The following LAPTM4B variants were observed in gnomAD, a reference collection of about 807,000 sequenced individuals.
LAPTM4B encodes the protein lysosomal protein transmembrane 4 beta.
A neutral mutation model predicts 28.5 loss-of-function variants in LAPTM4B; 26 were observed. The ratio of observed to expected loss-of-function variants is 0.91; its 90% CI spans 0.67 to 1.27. The LOEUF is 1.27. LAPTM4B is among the 50% of genes most tolerant of loss of function. The pLI is 0.00. For missense variants in LAPTM4B, 288 were observed against 285.8 expected, an observed-to-expected ratio of 1.01 and a Z score of -0.06; for synonymous variants, 109 against 106.4, an observed-to-expected ratio of 1.02 and a Z score of -0.15.
At chr8:97,815,299 T>A (rs762120548) in intron 2 of LAPTM4B, 29 bp from the exon 3 acceptor site, 16 of 1,577,104 alleles carry the variant, frequency 1.0e-5, no homozygotes, top group Middle Eastern at 1.7e-4. Flanking sequence ...TTGTCTTTTT[T>A]AAAGAAATTC....
intron 6 of LAPTM4B, among the ~76,000 whole-genome samples, chr8:97,831,240 C>T (rs2129824733): frequency 6.6e-6 from 1 of 152,214 alleles, no homozygotes; most frequent in South Asian, 2.1e-4. Flanking sequence ...GGTAGGAAGA[C>T]CAAATTGAGG....
intron 5 of LAPTM4B, among the ~76,000 whole-genome samples, chr8:97,824,374 A>T (rs1050476695): frequency 2.6e-5 from 4 of 152,172 alleles, no homozygotes; most frequent in Non-Finnish European, 1.5e-5. Flanking sequence ...AAAGAATTTT[A>T]ATGTTAAGGG....
intron 1 of LAPTM4B, among the ~76,000 whole-genome samples, chr8:97,791,366 C>T (rs575230703): frequency 2.3e-4 from 35 of 152,210 alleles, no homozygotes; most frequent in Non-Finnish European, 3.8e-4. Flanking sequence ...CCATGTCTCC[C>T]AGTAGGTCTT....
At chr8:97,823,207 C>T (rs1335469435) in intron 5 of LAPTM4B, among the ~76,000 whole-genome samples, 1 of 152,082 alleles carries the variant, frequency 6.6e-6, no homozygotes, top group Non-Finnish European at 1.5e-5. Context: ...GAAAGAAGTA[C>T]CTGGGCTTTT....
At chr8:97,831,645 G>A (rs115903401) in intron 6 of LAPTM4B, among the ~76,000 whole-genome samples, 94 of 152,234 alleles carry the variant, frequency 6.2e-4, no homozygotes, top group African/African-American at 1.8e-3. Flanking sequence ...AATTTTCCAT[G>A]GTCTAAGAAC....
At chr8:97,796,124 A>T (rs1242048101) in intron 1 of LAPTM4B, among the ~76,000 whole-genome samples, 1 of 152,336 alleles carries the variant, frequency 6.6e-6, no homozygotes, top group African/African-American at 2.4e-5. Context: ...GTGTTTTGGT[A>T]GAGATGGGGA....
intron 2 of LAPTM4B, among the ~76,000 whole-genome samples, chr8:97,810,252 A>G (rs1816807298): frequency 6.6e-6 from 1 of 152,182 alleles, no homozygotes; most frequent in South Asian, 2.1e-4. Context: ...AAAATTGACT[A>G]TACTGGGAAA....
At chr8:97,805,603 GCGTCTAAC>G in intron 2 of LAPTM4B, 139 bp downstream of exon 2, 1 of 634,888 alleles carries the variant, frequency 1.6e-6, no homozygotes, top group South Asian at 1.9e-5. Context: ...ATATTTGTGT[GCGTCTAAC>G]ATTCTGTCTT....
At chr8:97,812,932 C>G (rs753614784) in intron 2 of LAPTM4B, among the ~76,000 whole-genome samples, 3 of 152,218 alleles carry the variant, frequency 2.0e-5, no homozygotes, top group Admixed American at 6.5e-5. Flanking sequence ...CCCTACTTAC[C>G]TTGATGTTCC....
At chr8:97,832,071 T>C (rs1053190051) in intron 6 of LAPTM4B, among the ~76,000 whole-genome samples, 2 of 152,164 alleles carry the variant, frequency 1.3e-5, no homozygotes, top group Non-Finnish European at 2.9e-5. Context: ...TTTTTTCCAG[T>C]AGAAATTTTA....
At chr8:97,841,566 G>A (rs1409812555) in intron 6 of LAPTM4B, among the ~76,000 whole-genome samples, 2 of 152,200 alleles carry the variant, frequency 1.3e-5, no homozygotes, top group African/African-American at 4.8e-5. Context: ...GACCTCAGGT[G>A]ATCCACCTGC....
intron 5 of LAPTM4B, among the ~76,000 whole-genome samples, chr8:97,821,280 G>A (rs1816997556): frequency 6.6e-6 from 1 of 152,022 alleles, no homozygotes; most frequent in Non-Finnish European, 1.5e-5. Flanking sequence ...AGCTTGCAGT[G>A]AGATGAGATC....
intron 2 of LAPTM4B, among the ~76,000 whole-genome samples, chr8:97,814,994 A>G (rs1016284286): frequency 4.6e-5 from 7 of 152,160 alleles, no homozygotes; most frequent in African/African-American, 1.7e-4. Context: ...ACCTGGCCGG[A>G]GTTTTTATTT....
chr8:97,788,885 G>A (rs1401900402), intron 1 of LAPTM4B, among the ~76,000 whole-genome samples: 2 of 151,464 alleles, frequency 1.3e-5, no homozygotes, highest in Non-Finnish European at 2.9e-5. Flanking sequence ...TAGTACAGAC[G>A]GGGTTTCACC....
chr8:97,837,194 A>T (rs117676377), intron 6 of LAPTM4B, among the ~76,000 whole-genome samples: 5,837 of 118,098 alleles, frequency 0.049, 161 homozygotes, highest in Admixed American at 0.09. Context: ...TCCTCCTGCC[A>T]CTTTTTTTTT....
chr8:97,819,888 C>G, intron 5 of LAPTM4B, among the ~76,000 whole-genome samples: 1 of 152,052 alleles, frequency 6.6e-6, no homozygotes, highest in East Asian at 1.9e-4. Context: ...ATACCCGCCA[C>G]CATGCCCAGC....
chr8:97,792,621 G>A (rs796886057), intron 1 of LAPTM4B, among the ~76,000 whole-genome samples: 7 of 151,166 alleles, frequency 4.6e-5, no homozygotes, highest in East Asian at 1.9e-4. Context: ...TCTCTGTAGC[G>A]CAGGCTGCAT....
At chr8:97,809,150 T>C (rs1816793761) in intron 2 of LAPTM4B, among the ~76,000 whole-genome samples, 1 of 152,110 alleles carries the variant, frequency 6.6e-6, no homozygotes, top group Non-Finnish European at 1.5e-5. Context: ...TGTCAGATAG[T>C]TATTACCCAG....
At position 97,851,402 on chromosome 8, in the gene LAPTM4B, G is replaced by A. The variant is rs143858338; in HGVS notation, c.609G>A (p.Leu203=). The A allele has an allele frequency of 3.0e-5, 48 of 1,613,746 alleles. No homozygotes were observed. In the African/African-American group the frequency reaches 4.7e-4, roughly 16 times the overall value. Reference sequence around the variant, plus strand: ...CCGTCCCTCTTTCTTCTCAGGTGCTGCTACCCCCGTATGATGATGCCACTG... The same window carrying A: ...CCGTCCCTCTTTCTTCTCAGGTGCTACTACCCCCGTATGATGATGCCACTG... ...VYVTSNDTTV[L]LPPYDDATVN... is the part of the protein sequence containing the mutation. Residue 203 remains leucine, a synonymous_variant, in exon 7 of 7, where the codon CTG becomes CTA. Transcript: ENST00000521545.
Sources: gnomAD v4.1 joint callset for allele counts (sites outside exome capture counted in the v4.1 genomes callset) on GRCh38, gnomAD v4.1.1 for gene constraint, MANE v1.5 for transcripts, NCBI Gene and HGNC (gene_info 2026-07-23, HGNC 2026-07-21) for gene names.